GRXCR1: variants seen among roughly 807,000 people sequenced by gnomAD.
The protein encoded by GRXCR1 is glutaredoxin domain-containing cysteine-rich protein 1.
Under a neutral mutation model 27.3 loss-of-function variants are expected in GRXCR1, and 27 were observed. The ratio of observed to expected loss-of-function variants is 0.99; its 90% CI spans 0.73 to 1.37. GRXCR1 has a LOEUF of 1.37. GRXCR1 is among the 40% of genes most tolerant of loss of function. The pLI is 0.00. For missense variants in GRXCR1, 379 were observed against 354.4 expected, an observed-to-expected ratio of 1.07 and a Z score of -0.56; for synonymous variants, 122 against 131.1, an observed-to-expected ratio of 0.93 and a Z score of 0.47.
At chr4:42,963,819 G>C (rs866845442) in intron 2 of GRXCR1, among the ~76,000 whole-genome samples, 8 of 152,058 alleles carry the variant, frequency 5.3e-5, no homozygotes, top group African/African-American at 1.9e-4. Flanking sequence ...AAAGGTGAGA[G>C]CAAAGAGCCA....
chr4:43,011,479 C>A (rs1302288301), intron 2 of GRXCR1, among the ~76,000 whole-genome samples: 1 of 152,128 alleles, frequency 6.6e-6, no homozygotes, highest in African/African-American at 2.4e-5. Flanking sequence ...TTCTGTAATA[C>A]CGTACCTTCC....
intron 2 of GRXCR1, among the ~76,000 whole-genome samples, chr4:42,993,220 G>A (rs1712030566): frequency 6.6e-6 from 1 of 151,988 alleles, no homozygotes; most frequent in Non-Finnish European, 1.5e-5. Context: ...TGGCCAGATG[G>A]GAGTTATTCA....
chr4:43,025,893 G>A (rs992394275), intron 3 of GRXCR1, among the ~76,000 whole-genome samples: 11 of 151,400 alleles, frequency 7.3e-5, no homozygotes, highest in African/African-American at 2.4e-4. Context: ...GGAGAATGGC[G>A]TGAACCAGGG....
intron 2 of GRXCR1, among the ~76,000 whole-genome samples, chr4:42,965,058 C>T (rs890331133): frequency 4.1e-4 from 62 of 152,120 alleles, no homozygotes; most frequent in African/African-American, 1.2e-3. Context: ...TGTTCTTATT[C>T]GGAAGCCAAA....
intron 2 of GRXCR1, among the ~76,000 whole-genome samples, chr4:42,968,112 A>C (rs1484188449): frequency 6.6e-6 from 1 of 151,508 alleles, no homozygotes; most frequent in Non-Finnish European, 1.5e-5. Flanking sequence ...ACTCTCTAAA[A>C]CTCTATCCTG....
At chr4:42,945,388 G>A (rs1361626277) in intron 1 of GRXCR1, among the ~76,000 whole-genome samples, 2 of 152,142 alleles carry the variant, frequency 1.3e-5, no homozygotes, top group Non-Finnish European at 2.9e-5. Context: ...TGGCACGAAA[G>A]GAGATGGACA....
intron 1 of GRXCR1, among the ~76,000 whole-genome samples, chr4:42,902,305 A>T (rs1746478984): frequency 6.6e-6 from 1 of 152,174 alleles, no homozygotes; most frequent in Admixed American, 6.5e-5. Context: ...AGAAAGACAA[A>T]TGATGCGAGA....
chr4:42,946,032 GGTAAGCA>G (rs1747736122), intron 1 of GRXCR1, among the ~76,000 whole-genome samples: 1 of 152,136 alleles, frequency 6.6e-6, no homozygotes, highest in African/African-American at 2.4e-5. Flanking sequence ...TGTTGCTCAG[GGTAAGCA>G]GTTGGCTGCT....
intron 1 of GRXCR1, among the ~76,000 whole-genome samples, chr4:42,925,302 T>C (rs1023526130): frequency 6.6e-6 from 1 of 151,940 alleles, no homozygotes; most frequent in Non-Finnish European, 1.5e-5. Flanking sequence ...TAAAGGCAAA[T>C]TGCCAATGGA....
In GRXCR1 at chr4:42,959,328, G is replaced by A. The variant is rs552187556; in HGVS notation, c.385-3564G>A. ...AAGTGAAATAAGCCAGGCAGAGAAA[G>A]AAAAATACTGCGTGATCTCGTTTAT... On this transcript the variant is annotated intron_variant, in intron 1 of 3. Coordinates refer to ENST00000399770, the MANE Select transcript of GRXCR1 (RefSeq NM_001080476.3). Among the ~76,000 whole-genome samples, 7 of 151,828 alleles carry A rather than the reference G, an allele frequency of 4.6e-5. 1 individual carries two copies. In the South Asian group the frequency reaches 1.5e-3, roughly 32 times the overall value.
At chr4:42,940,034 G>A (rs1401126476) in intron 1 of GRXCR1, among the ~76,000 whole-genome samples, 2 of 151,950 alleles carry the variant, frequency 1.3e-5, no homozygotes, top group African/African-American at 4.8e-5. Flanking sequence ...AGCAGGCCTC[G>A]GTGGTGGAGA....
intron 1 of GRXCR1, among the ~76,000 whole-genome samples, chr4:42,947,304 TGTCAGGGAAA>T (rs1747766081): frequency 6.6e-6 from 1 of 151,934 alleles, no homozygotes; most frequent in Admixed American, 6.6e-5. Context: ...TGACCAGACA[TGTCAGGGAAA>T]ACTTAGGGAC....
chr4:43,014,462 C>T (rs112967549), intron 2 of GRXCR1, among the ~76,000 whole-genome samples: 4,719 of 152,226 alleles, frequency 0.031, 78 homozygotes, highest in African/African-American at 0.039. Context: ...CCTTCAATGC[C>T]AGCCCTGCCA....
At chr4:42,906,864 C>G (rs1338862072) in intron 1 of GRXCR1, among the ~76,000 whole-genome samples, 1 of 152,028 alleles carries the variant, frequency 6.6e-6, no homozygotes, top group African/African-American at 2.4e-5. Context: ...ATTTAAAGGA[C>G]AATGAAAAAA....
At chr4:42,909,928 A>G (rs1289502355) in intron 1 of GRXCR1, among the ~76,000 whole-genome samples, 1 of 152,188 alleles carries the variant, frequency 6.6e-6, no homozygotes, top group African/African-American at 2.4e-5. Context: ...GGAAAAGCCA[A>G]TACAGATGTG....
intron 2 of GRXCR1, among the ~76,000 whole-genome samples, chr4:42,971,409 C>G (rs1393902408): frequency 6.6e-6 from 1 of 152,088 alleles, no homozygotes; most frequent in Non-Finnish European, 1.5e-5. Flanking sequence ...CTACCTGAGA[C>G]TGGGTAATTT....
intron 2 of GRXCR1, among the ~76,000 whole-genome samples, chr4:43,002,884 C>A (rs991161361): frequency 2.6e-5 from 4 of 152,210 alleles, no homozygotes; most frequent in African/African-American, 9.6e-5. Context: ...ACCCAAATCT[C>A]ATGACAAATT....
chr4:43,009,823 A>T (rs1712681286), intron 2 of GRXCR1, among the ~76,000 whole-genome samples: 1 of 152,184 alleles, frequency 6.6e-6, no homozygotes, highest in Non-Finnish European at 1.5e-5. Context: ...TTTGCTGTAG[A>T]CATTCATTCT....
At chr4:43,012,768 G>A (rs1306877364) in intron 2 of GRXCR1, among the ~76,000 whole-genome samples, 5 of 151,894 alleles carry the variant, frequency 3.3e-5, no homozygotes, top group Non-Finnish European at 7.4e-5. Context: ...TTTAATCCTG[G>A]ATTTTATTAT....
Sources: allele counts gnomAD v4.1 joint callset (sites outside exome capture counted in the v4.1 genomes callset), GRCh38; gene constraint gnomAD v4.1.1; transcripts MANE v1.5; gene names NCBI Gene and HGNC (gene_info 2026-07-23, HGNC 2026-07-21).